TLL1: variants seen among roughly 807,000 people sequenced by gnomAD.
The protein encoded by TLL1 is tolloid-like protein 1.
TLL1 carries 49 observed loss-of-function variants against 128.2 expected under a neutral mutation model. The ratio of observed to expected loss-of-function variants is 0.38; its 90% CI spans 0.30 to 0.48. The LOEUF (loss-of-function observed/expected upper bound fraction) is 0.48. TLL1 is among the 20% of genes least tolerant of loss of function. TLL1 has a pLI of 0.96. For synonymous variants in TLL1, 454 were observed against 418.8 expected, an observed-to-expected ratio of 1.08 and a Z score of -1.03; for missense variants, 1,123 against 1,242.0, an observed-to-expected ratio of 0.90 and a Z score of 1.44.
At position 165,922,940 on chromosome 4, in the gene TLL1, A is replaced by T. The variant is rs114240984; in HGVS notation, c.169+48867A>T. 2.5e-3 allele frequency among the ~76,000 whole-genome samples: 376 copies of T among 152,286 alleles called. 3 individuals are homozygous for T. The highest frequency in any genetic ancestry group is 8.8e-3 in the African/African-American group (366 of 41,556). ...TTTGTTTACCTGGTTTCTGCATTTGAGTGGTTATTGAGCTGCTGTAGTGTA... is the reference window on the plus strand; with the variant it reads ...TTTGTTTACCTGGTTTCTGCATTTGTGTGGTTATTGAGCTGCTGTAGTGTA... On this transcript the variant is annotated intron_variant, in intron 1 of 20. Transcript: ENST00000061240.
intron 1 of TLL1, among the ~76,000 whole-genome samples, chr4:165,961,330 C>T (rs1735088664): frequency 6.6e-6 from 1 of 151,806 alleles, no homozygotes; most frequent in African/African-American, 2.4e-5. Context: ...ATGTCACAAA[C>T]GAATGGAAAA....
At chr4:166,025,258 G>C in intron 8 of TLL1, 58 bp from the exon 9 acceptor site, 2 of 1,261,538 alleles carry the variant, frequency 1.6e-6, no homozygotes, top group Non-Finnish European at 2.3e-6. Flanking sequence ...CTTTGTTTAT[G>C]ATATTCACGT....
chr4:166,044,568 C>T, intron 12 of TLL1: 1 of 774,150 alleles, frequency 1.3e-6, no homozygotes, highest in Non-Finnish European at 1.9e-6. Flanking sequence ...ATGCTCCAGA[C>T]CATTTTTTTT....
At chr4:166,048,148 A>G (rs561823212) in intron 12 of TLL1, among the ~76,000 whole-genome samples, 122 of 151,622 alleles carry the variant, frequency 8.0e-4, no homozygotes, top group Non-Finnish European at 1.5e-3. Context: ...AGGCAGGAGA[A>G]TCGCTTGAAC....
intron 15 of TLL1, 87 bp downstream of exon 15, chr4:166,060,275 G>A: frequency 9.8e-6 from 13 of 1,333,300 alleles, no homozygotes; most frequent in Non-Finnish European, 1.3e-5. Context: ...AAAAGATGTA[G>A]TAAAATAGTA....
At chr4:166,053,804 G>T (rs1309326586) in intron 12 of TLL1, among the ~76,000 whole-genome samples, 1 of 151,972 alleles carries the variant, frequency 6.6e-6, no homozygotes, top group Non-Finnish European at 1.5e-5. Flanking sequence ...GACAACATTT[G>T]ATACTTTTCT....
chr4:166,046,585 C>T (rs1430734462), intron 12 of TLL1, among the ~76,000 whole-genome samples: 1 of 152,186 alleles, frequency 6.6e-6, no homozygotes, highest in Non-Finnish European at 1.5e-5. Context: ...AGGTCATTCA[C>T]AGACATGTAC....
At chr4:165,987,973 T>C (rs1269361967) in intron 1 of TLL1, among the ~76,000 whole-genome samples, 1 of 152,108 alleles carries the variant, frequency 6.6e-6, no homozygotes, top group Non-Finnish European at 1.5e-5. Flanking sequence ...GAAGAAAATC[T>C]GAAGAAAGGT....
At chr4:166,092,066 T>C (rs879344369) in intron 19 of TLL1, among the ~76,000 whole-genome samples, 17 of 152,080 alleles carry the variant, frequency 1.1e-4, no homozygotes, top group Admixed American at 1.1e-3. Flanking sequence ...TAAATGTATA[T>C]TAGCTAGTCA....
rs1176069304 is a variant in TLL1 at position 166,103,124 on chromosome 4, T to G, written c.*2248T>G. 1.3e-5 allele frequency: 2 copies of G among 151,868 alleles called. No individual in the cohort carries two copies. Among genetic ancestry groups the G allele is most frequent in the Non-Finnish European group, 2.9e-5 (2 of 67,874 alleles). The allele number at this position is 151,868 out of a possible 1,614,324, so 9.4% of individuals were successfully genotyped here. The stretch of plus-strand genomic sequence containing the variant: ...ACCTTCCCAGAGTCACAGTGTAAAG[T>G]TAGATGTTGAAACCCAGTTTATCTT... On this transcript the variant is annotated 3_prime_UTR_variant, in exon 21 of 21. Transcript: ENST00000061240.
chr4:165,935,172 C>T (rs1733706836), intron 1 of TLL1, among the ~76,000 whole-genome samples: 1 of 152,128 alleles, frequency 6.6e-6, no homozygotes. Flanking sequence ...AACTAAAAGG[C>T]AGTGGAGTTG....
intron 1 of TLL1, among the ~76,000 whole-genome samples, chr4:165,977,447 T>C (rs2110989880): frequency 6.6e-6 from 1 of 152,162 alleles, no homozygotes; most frequent in South Asian, 2.1e-4. Context: ...GATCAGTGAG[T>C]CAATCAAACC....
At chr4:166,032,411 T>G (rs1738811743) in intron 9 of TLL1, among the ~76,000 whole-genome samples, 1 of 151,762 alleles carries the variant, frequency 6.6e-6, no homozygotes, top group Non-Finnish European at 1.5e-5. Flanking sequence ...TATGGGGGAG[T>G]GGGTTGCACT....
chr4:165,890,636 A>G (rs1731357866), intron 1 of TLL1, among the ~76,000 whole-genome samples: 1 of 152,188 alleles, frequency 6.6e-6, no homozygotes, highest in Non-Finnish European at 1.5e-5. Flanking sequence ...AATCACACTG[A>G]CACAAGAGGT....
At chr4:166,026,968 G>A (rs1397139791) in intron 9 of TLL1, among the ~76,000 whole-genome samples, 7 of 152,074 alleles carry the variant, frequency 4.6e-5, no homozygotes, top group Admixed American at 2.0e-4. Flanking sequence ...ATTCACAATA[G>A]CAAAAACATG....
chr4:165,978,993 C>A lies in TLL1; in HGVS notation c.170-10388C>A, dbSNP rs1736014239. Reference sequence around the variant, plus strand: ...TGAGGTGATACTTTGTAACCTAGATCTATGCTATATATTGTCCAAGGGTCT... The same window carrying A: ...TGAGGTGATACTTTGTAACCTAGATATATGCTATATATTGTCCAAGGGTCT... On this transcript the variant is annotated intron_variant, in intron 1 of 20. Coordinates refer to ENST00000061240, the MANE Select transcript of TLL1 (RefSeq NM_012464.5). 2.0e-5 allele frequency among the ~76,000 whole-genome samples: 3 copies of A among 152,162 alleles called. No individual in the cohort carries two copies. In the South Asian group the frequency reaches 6.2e-4, roughly 31 times the overall value.
intron 1 of TLL1, among the ~76,000 whole-genome samples, chr4:165,956,419 C>A (rs183010068): frequency 3.3e-4 from 50 of 152,128 alleles, no homozygotes; most frequent in African/African-American, 1.2e-3. Flanking sequence ...GACCTCCCCC[C>A]AGGAATGCAT....
At chr4:166,031,296 G>C (rs531239147) in intron 9 of TLL1, among the ~76,000 whole-genome samples, 1 of 146,564 alleles carries the variant, frequency 6.8e-6, no homozygotes, top group South Asian at 2.2e-4. Flanking sequence ...ACACATGACT[G>C]TTATATAAAT....
At position 165,989,392 on chromosome 4, in the gene TLL1, G is replaced by A. The variant is rs775027340; in HGVS notation, c.181G>A (p.Gly61Ser). The A allele has an allele frequency of 5.6e-6, 9 of 1,611,290 alleles. No homozygotes were observed. In the African/African-American group the frequency reaches 8.0e-5, roughly 14 times the overall value. The part of the protein sequence containing the change: ...KDPCKAAVFW[G>S]DIALDDEDLN... ...TTTTCTTTTTTTAGCTGTATTTTGG[G>A]GCGATATTGCCTTAGATGATGAAGA... The change falls in exon 2 of 21, where the codon GGC becomes AGC. Residue 61 changes from glycine to serine, a missense_variant. Around this residue, in one of 3 missense-constraint regions of TLL1, gnomAD observed 480 missense variants for 542.4 expected, o/e 0.89. Transcript: ENST00000061240.
Sources: allele counts gnomAD v4.1 joint callset (sites outside exome capture counted in the v4.1 genomes callset), GRCh38; gene constraint gnomAD v4.1.1; regional missense constraint gnomAD v4.1.1; transcripts MANE v1.5; gene names NCBI Gene and HGNC (gene_info 2026-07-23, HGNC 2026-07-21).